Variants in COL15A1 observed in about 807,000 individuals in gnomAD.
COL15A1 encodes the protein collagen type XV alpha 1 chain, also known as collagen alpha-1(XV) chain.
Under a neutral mutation model 165.9 loss-of-function variants are expected in COL15A1, and 111 were observed. That is an observed-to-expected ratio of 0.67 (90% CI 0.57 to 0.78). The LOEUF is 0.78. Among genes scored for constraint, COL15A1 ranks in the 30% least tolerant of loss-of-function variants. COL15A1 has a pLI of 0.00. For synonymous variants in COL15A1, 659 were observed against 674.8 expected (o/e 0.98, Z 0.36); for missense variants, 1,745 against 1,789.7 (o/e 0.98, Z 0.45).
intron 2 of COL15A1, among the ~76,000 whole-genome samples, chr9:98,971,198 C>T (rs1838044773): frequency 6.6e-6 from 1 of 152,180 alleles, no homozygotes. Flanking sequence ...CTGGGCCTGA[C>T]GGCTTCCAGG....
chr9:99,067,831 C>G (rs927292066), intron 40 of COL15A1, among the ~76,000 whole-genome samples: 2 of 152,188 alleles, frequency 1.3e-5, no homozygotes, highest in Non-Finnish European at 2.9e-5. Flanking sequence ...CTACAAGGGA[C>G]CAGGCTGTTT....
In COL15A1 at chr9:98,985,965, T is replaced by C. The variant is rs1838305569; in HGVS notation, c.501T>C (p.Ile167=). Residue 167 remains isoleucine, a synonymous_variant, in exon 3 of 42, where the codon ATT becomes ATC. Coordinates refer to ENST00000375001, the MANE Select transcript of COL15A1 (RefSeq NM_001855.5). The stretch of plus-strand genomic sequence containing the variant: ...ACAGGTGGAACCGCTTCGCCATGAT[T>C]GTCCAGGGTGAGGAAGTGACCCTCC... ...MTHRWNRFAM[I]VQGEEVTLLV... 2 of 1,614,004 alleles carry C rather than the reference T, an allele frequency of 1.2e-6. No individual in the cohort carries two copies. The highest frequency in any genetic ancestry group is 1.1e-5 in the South Asian group (1 of 91,086).
intron 39 of COL15A1, among the ~76,000 whole-genome samples, chr9:99,064,867 G>A (rs1825869271): frequency 6.6e-6 from 1 of 152,190 alleles, no homozygotes; most frequent in African/African-American, 2.4e-5. Flanking sequence ...TAGGGCAGTA[G>A]CTAAAGGATT....
rs530800889 is a variant in COL15A1 at position 98,975,925 on chromosome 9, A to G, written c.101-9640A>G. Among the ~76,000 whole-genome samples the G allele has an allele frequency of 6.6e-5, 10 of 152,330 alleles. No homozygotes were observed. The East Asian group carries it at 1.7e-3, about 26-fold the overall frequency. On this transcript the variant is annotated intron_variant, in intron 2 of 41. Transcript: ENST00000375001. ...AGATGTAAGAAGATGGGGAAGAGTGATGTCACTAGAAGGAATAGCATGAGT... is the reference window on the plus strand; with the variant it reads ...AGATGTAAGAAGATGGGGAAGAGTGGTGTCACTAGAAGGAATAGCATGAGT...
At chr9:98,979,421 G>A (rs1010873840) in intron 2 of COL15A1, among the ~76,000 whole-genome samples, 10 of 152,116 alleles carry the variant, frequency 6.6e-5, no homozygotes, top group South Asian at 6.2e-4. Flanking sequence ...GTATCCCTTC[G>A]TAATCTTAAC....
chr9:98,944,029 C>G lies in COL15A1; in HGVS notation c.-33C>G, dbSNP rs776895783. 5.0e-6 allele frequency: 8 copies of G among 1,613,506 alleles called. No individual in the cohort carries two copies. The African/African-American group carries it at 1.1e-4, about 22-fold the overall frequency. ...AGCTCCAACGCTCTGCTCGACTAGC[C>G]GCGCGCCTTCCGGGGCTCCGCAGAC... On this transcript the variant is annotated 5_prime_UTR_variant, in exon 1 of 42. Transcript: ENST00000375001.
chr9:99,015,837 G>A (rs925149054), intron 10 of COL15A1, 139 bp from the exon 11 acceptor site: 1 of 1,018,686 alleles, frequency 9.8e-7, no homozygotes, highest in Non-Finnish European at 1.5e-6. Context: ...ATTTCAGAAG[G>A]GGTGTGCTGG....
In COL15A1 at chr9:99,047,930, G is replaced by A. The variant is rs1436438073; in HGVS notation, c.2734-11G>A. On this transcript the variant is annotated splice_polypyrimidine_tract_variant and intron_variant, in intron 27 of 41. Coordinates refer to ENST00000375001, the MANE Select transcript of COL15A1 (RefSeq NM_001855.5). ...CGGAGGGTTTACTGAGGTGTCTGCT[G>A]TGGGTTCCAGGGTCGCCCAGGACTG... The A allele has an allele frequency of 3.1e-6, 5 of 1,610,460 alleles. No homozygotes were observed. Among genetic ancestry groups the A allele is most frequent in the Non-Finnish European group, 4.2e-6 (5 of 1,176,804 alleles).
chr9:98,965,943 G>A (rs562267737), intron 2 of COL15A1, among the ~76,000 whole-genome samples: 2 of 151,678 alleles, frequency 1.3e-5, no homozygotes, highest in African/African-American at 2.4e-5. Flanking sequence ...TTGGTGTCTG[G>A]TCCTTTTTTT....
At position 99,034,570 on chromosome 9, in the gene COL15A1, T is replaced by C; in HGVS notation, c.2065T>C (p.Ser689Pro). The C allele has an allele frequency of 7.3e-7, 1 of 1,378,264 alleles. No individual in the cohort carries two copies. The highest frequency in any genetic ancestry group is 9.8e-7 in the Non-Finnish European group (1 of 1,017,648). 85.4% of individuals were successfully genotyped at this position (1,378,264 alleles called of 1,614,324 possible). A position where few individuals can be genotyped will look rare whatever the true frequency, so the allele number is the denominator to read the frequency against. ...TCAGGGAGCAAGAGGGCCTAATGGC[T>C]CAGTTGGTGAAAAGGTAAAAAAAAA... Reference protein sequence around the residue: ...GEKGARGPNGSVGEKGDPGNR... With the variant: ...GEKGARGPNGPVGEKGDPGNR... Residue 689 changes from serine to proline, a missense_variant, in exon 17 of 42, where the codon TCA becomes CCA. Transcript: ENST00000375001.
At chr9:99,031,899 T>C (rs1396264282) in intron 16 of COL15A1, among the ~76,000 whole-genome samples, 2 of 152,242 alleles carry the variant, frequency 1.3e-5, no homozygotes, top group Non-Finnish European at 2.9e-5. Context: ...TGTCTGTAGA[T>C]GGCAAACTTT....
intron 31 of COL15A1, among the ~76,000 whole-genome samples, 200 bp downstream of exon 31, chr9:99,052,633 C>T (rs756145741): frequency 3.9e-5 from 6 of 152,174 alleles, no homozygotes; most frequent in African/African-American, 9.7e-5. Context: ...CTATTCTGCT[C>T]ATCTTAGCTG....
intron 7 of COL15A1, among the ~76,000 whole-genome samples, chr9:99,002,177 T>A: frequency 8.4e-6 from 1 of 118,700 alleles, no homozygotes. Context: ...TTTTCTCCCC[T>A]CCCCTCCTCT....
chr9:99,070,360 G>A lies in COL15A1; in HGVS notation c.*474G>A, dbSNP rs1048630910. On this transcript the variant is annotated 3_prime_UTR_variant, in exon 42 of 42. Transcript: ENST00000375001. ...CATCCATCATTTGCAACTGCTGTTC[G>A]TACACAGAAACAGGACTGCTCAAAT... 4 of 233,014 alleles carry A rather than the reference G, an allele frequency of 1.7e-5. No homozygotes were observed. Among genetic ancestry groups the A allele is most frequent in the African/African-American group, 9.4e-5 (4 of 42,448 alleles). The allele number at this position is 233,014 out of a possible 1,614,324, so 14.4% of individuals were successfully genotyped here.
intron 4 of COL15A1, among the ~76,000 whole-genome samples, chr9:98,987,749 T>A (rs1275494268): frequency 6.6e-6 from 1 of 152,214 alleles, no homozygotes; most frequent in Non-Finnish European, 1.5e-5. Context: ...AGTTCGTTCC[T>A]AAGCTGGGGA....
chr9:99,066,945 A>G lies in COL15A1; in HGVS notation c.3715A>G (p.Lys1239Glu), dbSNP rs1310150226. The stretch of plus-strand genomic sequence containing the variant: ...CATTCGAGCTGATTTTCAGTGCTTC[A>G]AGCAGGCCAGAGCTGCAGGACTGTT... Reference protein sequence around the residue: ...GDIRADFQCFKQARAAGLLST... With the variant: ...GDIRADFQCFEQARAAGLLST... The change falls in exon 40 of 42, where the codon AAG (lysine) becomes GAG (glutamate). Residue 1239 changes from lysine (K) to glutamate (E), a missense_variant. Transcript: ENST00000375001. 1.2e-6 allele frequency: 2 copies of G among 1,614,148 alleles called. No individual in the cohort carries two copies. Among genetic ancestry groups the G allele is most frequent in the Non-Finnish European group, 8.5e-7 (1 of 1,180,024 alleles).
intron 9 of COL15A1, 72 bp from the exon 10 acceptor site, chr9:99,015,345 C>T (rs896344624): frequency 6.8e-6 from 7 of 1,034,208 alleles, no homozygotes; most frequent in Non-Finnish European, 1.1e-5. Flanking sequence ...GCTTTCCACC[C>T]CCCAGCCTCA....
At chr9:99,025,817 C>T in intron 15 of COL15A1, 87 bp from the exon 16 acceptor site, 2 of 1,454,896 alleles carry the variant, frequency 1.4e-6, no homozygotes, top group Non-Finnish European at 1.9e-6. Context: ...TCACCTGCCT[C>T]CCAACCCTGC....
intron 16 of COL15A1, among the ~76,000 whole-genome samples, chr9:99,028,335 G>GAATTCATCAAATATCTTAA (rs1839162782): frequency 1.3e-5 from 2 of 152,058 alleles, no homozygotes; most frequent in Admixed American, 6.5e-5. Flanking sequence ...TATGAGCTAA[G>GAATTCATCAAATATCTTAA]CTATGAGGAC....
Sources: allele counts gnomAD v4.1 joint callset (sites outside exome capture counted in the v4.1 genomes callset), GRCh38; gene constraint gnomAD v4.1.1; transcripts MANE v1.5; gene names NCBI Gene and HGNC (gene_info 2026-07-23, HGNC 2026-07-21).